The following OTUD7A variants were observed in gnomAD, a reference collection of about 807,000 sequenced individuals.
OTUD7A encodes OTU domain-containing protein 7A.
Under a neutral mutation model 65.7 loss-of-function variants are expected in OTUD7A, and 12 were observed. The ratio of observed to expected loss-of-function variants is 0.18; its 90% confidence interval spans 0.12 to 0.30. OTUD7A has a LOEUF of 0.30. Ranked by LOEUF, OTUD7A falls within the 10% of genes least tolerant of loss-of-function variation. The pLI, the probability that OTUD7A is intolerant of heterozygous loss-of-function variation, is 1.00. For synonymous variants in OTUD7A, 641 were observed against 586.3 expected (o/e 1.09, Z -1.35); for missense variants, 1,148 against 1,304.8 (o/e 0.88, Z 1.85).
chr15:31,690,363 G>A (rs539339742), intron 1 of OTUD7A, among the ~76,000 whole-genome samples: 31 of 151,934 alleles, frequency 2.0e-4, no homozygotes, highest in Non-Finnish European at 3.4e-4. Flanking sequence ...TTTACTAGAA[G>A]GCTTGAGTAG....
At chr15:31,864,469 G>A (rs1410205941) in intron 1 of OTUD7A, among the ~76,000 whole-genome samples, 1 of 152,108 alleles carries the variant, frequency 6.6e-6, no homozygotes, top group Non-Finnish European at 1.5e-5. Flanking sequence ...TTTACGTGGT[G>A]GTGGCAAGAG....
intron 1 of OTUD7A, among the ~76,000 whole-genome samples, chr15:31,760,369 C>T (rs958049396): frequency 6.6e-6 from 1 of 152,196 alleles, no homozygotes; most frequent in African/African-American, 2.4e-5. Flanking sequence ...TATCTCCCTC[C>T]AGCTACCAAT....
At chr15:31,813,886 C>T (rs1896483703) in intron 1 of OTUD7A, among the ~76,000 whole-genome samples, 1 of 152,174 alleles carries the variant, frequency 6.6e-6, no homozygotes, top group Non-Finnish European at 1.5e-5. Context: ...CTTACGTTCA[C>T]CTGAGAATGC....
intron 1 of OTUD7A, among the ~76,000 whole-genome samples, chr15:31,866,830 C>T (rs1247278686): frequency 6.6e-6 from 1 of 152,158 alleles, no homozygotes; most frequent in Non-Finnish European, 1.5e-5. Context: ...AGCTGAAAAA[C>T]ATGTTATTCC....
chr15:31,803,740 T>C (rs550484146), intron 1 of OTUD7A, among the ~76,000 whole-genome samples: 1 of 152,364 alleles, frequency 6.6e-6, no homozygotes, highest in African/African-American at 2.4e-5. Flanking sequence ...TGCCTTCCAC[T>C]GTGACCATCT....
intron 7 of OTUD7A, among the ~76,000 whole-genome samples, chr15:31,526,828 T>A (rs1438446265): frequency 6.6e-6 from 1 of 152,118 alleles, no homozygotes; most frequent in Non-Finnish European, 1.5e-5. Context: ...CCCTTTGGAC[T>A]GAGCTCACAC....
At chr15:31,599,573 C>T (rs1485540321) in intron 3 of OTUD7A, among the ~76,000 whole-genome samples, 8 of 152,290 alleles carry the variant, frequency 5.3e-5, no homozygotes, top group South Asian at 2.1e-4. Context: ...AAAACCAGAA[C>T]GCCTCTTCTC....
intron 3 of OTUD7A, among the ~76,000 whole-genome samples, chr15:31,641,216 G>T (rs1891506774): frequency 6.6e-6 from 1 of 152,070 alleles, no homozygotes; most frequent in Admixed American, 6.5e-5. Flanking sequence ...CCATCCTGCT[G>T]CCCTGTGAAG....
At chr15:31,836,100 A>G (rs1897048854) in intron 1 of OTUD7A, among the ~76,000 whole-genome samples, 1 of 152,114 alleles carries the variant, frequency 6.6e-6, no homozygotes, top group Admixed American at 6.5e-5. Context: ...CTCAATATTT[A>G]AAGCATATCC....
chr15:31,511,734 C>CATACATATATATGTATATCTATATGTA lies in OTUD7A; in HGVS notation c.894-7917_894-7916insTACATATAGATATACATATATATGTAT, dbSNP rs879850342. 1.4e-5 allele frequency among the ~76,000 whole-genome samples: 2 copies of CATACATATATATGTATATCTATATGTA among 146,486 alleles called. 1 individual carries two copies. The highest frequency in any genetic ancestry group is 3.0e-5 in the Non-Finnish European group (2 of 66,000). ...CATATATATGTATATCTATATGTAA[C>CATACATATATATGTATATCTATATGTA]ACACATATATATGTATATCTATATG... On this transcript the variant is annotated intron_variant, in intron 8 of 12. Coordinates refer to ENST00000307050, the MANE Select transcript of OTUD7A (RefSeq NM_001382637.1).
intron 1 of OTUD7A, among the ~76,000 whole-genome samples, chr15:31,729,408 G>A (rs1893980857): frequency 6.6e-6 from 1 of 152,206 alleles, no homozygotes; most frequent in Admixed American, 6.5e-5. Context: ...ACAGCATGGT[G>A]ACTTCAATGC....
At chr15:31,800,406 C>T (rs968146554) in intron 1 of OTUD7A, among the ~76,000 whole-genome samples, 1 of 152,186 alleles carries the variant, frequency 6.6e-6, no homozygotes, top group Non-Finnish European at 1.5e-5. Flanking sequence ...CATGGTCTCA[C>T]CACCCCCATG....
At position 31,669,637 on chromosome 15, in the gene OTUD7A, C is replaced by T. The variant is rs544913492; in HGVS notation, c.-99-12560G>A. 5.9e-5 allele frequency among the ~76,000 whole-genome samples: 9 copies of T among 152,296 alleles called. No individual in the cohort carries two copies. In the South Asian group the frequency reaches 1.2e-3, roughly 21 times the overall value. ...CTGTGGAGAGTCTGCAGGACAGATT[C>T]GCACCCTCCCCTGAGTTCTGGCAAA... On this transcript the variant is annotated intron_variant, in intron 1 of 12. Transcript: ENST00000307050.
chr15:31,694,544 A>G (rs1040513968), intron 1 of OTUD7A, among the ~76,000 whole-genome samples: 3 of 152,188 alleles, frequency 2.0e-5, no homozygotes, highest in African/African-American at 7.2e-5. Flanking sequence ...CCATGTTATA[A>G]TAGTCCCCAT....
chr15:31,793,785 G>A (rs977854675), intron 1 of OTUD7A, among the ~76,000 whole-genome samples: 3 of 152,282 alleles, frequency 2.0e-5, no homozygotes, highest in Admixed American at 2.0e-4. Flanking sequence ...TTCCTGTTCT[G>A]TAAAATGCCT....
intron 1 of OTUD7A, among the ~76,000 whole-genome samples, chr15:31,838,765 T>C (rs1318005023): frequency 2.0e-5 from 3 of 151,294 alleles, no homozygotes; most frequent in African/African-American, 7.3e-5. Flanking sequence ...CCACTACTCC[T>C]GATTTTGAGG....
intron 8 of OTUD7A, among the ~76,000 whole-genome samples, chr15:31,509,564 C>T (rs2041644795): frequency 6.6e-6 from 1 of 152,108 alleles, no homozygotes; most frequent in South Asian, 2.1e-4. Flanking sequence ...AGGCATGAGC[C>T]ACCACGCCCA....
At chr15:31,854,982 G>A (rs1334430647) in intron 1 of OTUD7A, among the ~76,000 whole-genome samples, 1 of 152,024 alleles carries the variant, frequency 6.6e-6, no homozygotes, top group African/African-American at 2.4e-5. Context: ...CCAGAGATAA[G>A]CAAATGAAAT....
At chr15:31,766,504 T>C (rs1895098105) in intron 1 of OTUD7A, 1 of 1,609,560 alleles carries the variant, frequency 6.2e-7, no homozygotes, top group Non-Finnish European at 8.5e-7. Flanking sequence ...CTTTTATTGA[T>C]TGTGGCACTA....
Sources: allele counts gnomAD v4.1 joint callset (sites outside exome capture counted in the v4.1 genomes callset), GRCh38; gene constraint gnomAD v4.1.1; transcripts MANE v1.5; gene names NCBI Gene and HGNC (gene_info 2026-07-23, HGNC 2026-07-21).